Variants in IGSF11 observed in about 807,000 individuals in gnomAD.
The protein encoded by IGSF11 is CXADR like 1.
IGSF11 carries 22 observed loss-of-function variants against 41.0 expected under a neutral mutation model. The ratio of observed to expected loss-of-function variants is 0.54; its 90% CI spans 0.38 to 0.77. The LOEUF (loss-of-function observed/expected upper bound fraction) is 0.77, where lower values mean the gene tolerates loss of function less well. IGSF11 is among the 30% of genes least tolerant of loss of function. The pLI is 0.00. For synonymous variants in IGSF11, 219 were observed against 201.3 expected (o/e 1.09, Z -0.74); for missense variants, 444 against 530.8 (o/e 0.84, Z 1.61).
At chr3:119,097,957 ATTTTTTT>A (rs377746200) in intron 1 of IGSF11, among the ~76,000 whole-genome samples, 5 of 58,360 alleles carry the variant, frequency 8.6e-5, no homozygotes, top group Admixed American at 5.0e-4. Context: ...CATTCAGCTA[ATTTTTTT>A]TTTTTTTTTT....
At chr3:118,943,404 T>C (rs1943859660) in intron 1 of IGSF11, among the ~76,000 whole-genome samples, 1 of 152,240 alleles carries the variant, frequency 6.6e-6, no homozygotes, top group Admixed American at 6.5e-5. Flanking sequence ...AAAAGATCTC[T>C]GTGCTTTCAA....
At chr3:119,078,721 C>T (rs550109633) in intron 1 of IGSF11, among the ~76,000 whole-genome samples, 1 of 152,166 alleles carries the variant, frequency 6.6e-6, no homozygotes, top group East Asian at 1.9e-4. Flanking sequence ...AAAATGGGAC[C>T]TAACAAAACT....
chr3:119,055,956 G>C (rs1941815758), intron 1 of IGSF11, among the ~76,000 whole-genome samples: 1 of 152,066 alleles, frequency 6.6e-6, no homozygotes, highest in African/African-American at 2.4e-5. Context: ...AGAATCTCTG[G>C]GACACGTTCA....
At chr3:118,987,927 C>A (rs988088301) in intron 1 of IGSF11, among the ~76,000 whole-genome samples, 4 of 152,204 alleles carry the variant, frequency 2.6e-5, no homozygotes, top group Non-Finnish European at 4.4e-5. Context: ...ATTACTCCAA[C>A]TGGGCTTTAT....
chr3:119,066,868 T>C (rs1380432227), intron 1 of IGSF11, among the ~76,000 whole-genome samples: 2 of 152,194 alleles, frequency 1.3e-5, no homozygotes, highest in African/African-American at 2.4e-5. Flanking sequence ...ATATTATACT[T>C]TTTAGTTTTA....
intron 1 of IGSF11, chr3:119,112,881 T>C (rs2107522212): frequency 6.6e-6 from 1 of 152,526 alleles, no homozygotes; most frequent in Middle Eastern, 3.3e-3. Flanking sequence ...TCGCTCACAG[T>C]TCTGCAGGAT....
In IGSF11 at chr3:118,926,024, ATTAAAG is replaced by A. The variant is rs920657329; in HGVS notation, c.580+71_580+76del. On this transcript the variant is annotated intron_variant, in intron 4 of 6. Coordinates refer to ENST00000393775, the MANE Select transcript of IGSF11 (RefSeq NM_001015887.3). Reference sequence around the variant, plus strand: ...TATAGGGTGTTATTTTTCAAAACCTATTAAAGTTAATTACTTTTTGAATATTAGAAT... The same window carrying A: ...TATAGGGTGTTATTTTTCAAAACCTATTAATTACTTTTTGAATATTAGAAT... 2.1e-5 allele frequency: 24 copies of A among 1,133,322 alleles called. No homozygotes were observed. In the Admixed American group the frequency reaches 3.9e-4, roughly 18 times the overall value. 70.2% of individuals were successfully genotyped at this position (1,133,322 alleles called of 1,614,324 possible).
intron 1 of IGSF11, among the ~76,000 whole-genome samples, chr3:119,016,280 A>G (rs1938678962): frequency 1.3e-5 from 2 of 152,366 alleles, no homozygotes; most frequent in South Asian, 4.1e-4. Context: ...CAGGTGGCAT[A>G]TGGCATGTGT....
intron 1 of IGSF11, among the ~76,000 whole-genome samples, chr3:119,018,872 G>T (rs545146844): frequency 6.6e-6 from 1 of 152,200 alleles, no homozygotes; most frequent in Admixed American, 6.5e-5. Context: ...ATCAGAGCTG[G>T]CACTGAAGGC....
chr3:119,070,428 GA>G (rs2076380549), intron 1 of IGSF11, among the ~76,000 whole-genome samples: 2 of 152,144 alleles, frequency 1.3e-5, no homozygotes, highest in African/African-American at 4.8e-5. Context: ...GATGGGAGTT[GA>G]ACTGACTAAG....
chr3:119,006,509 A>T (rs9714220), intron 1 of IGSF11, among the ~76,000 whole-genome samples: 33,132 of 125,478 alleles, frequency 0.26, 4,686 homozygotes, highest in African/African-American at 0.38. Context: ...GCTGCTGAGG[A>T]ACTGCGCTCC....
chr3:119,043,757 C>G (rs1941211453), intron 1 of IGSF11, among the ~76,000 whole-genome samples: 1 of 152,144 alleles, frequency 6.6e-6, no homozygotes, highest in Non-Finnish European at 1.5e-5. Context: ...TTCCCCAATA[C>G]CAGACGGGAG....
chr3:119,047,977 C>T (rs556321509), intron 1 of IGSF11, among the ~76,000 whole-genome samples: 1 of 152,230 alleles, frequency 6.6e-6, no homozygotes, highest in East Asian at 1.9e-4. Flanking sequence ...ATACCAGAAT[C>T]TCTGGGATAC....
At chr3:119,038,403 A>T (rs1196206503), upstream of IGSF11, among the ~76,000 whole-genome samples, 1 of 152,216 alleles carries the variant, frequency 6.6e-6, no homozygotes, top group Non-Finnish European at 1.5e-5. Context: ...GCTAAACAGC[A>T]ATATCCATCC....
intron 1 of IGSF11, among the ~76,000 whole-genome samples, chr3:119,026,189 T>C (rs16829268): frequency 0.18 from 28,084 of 152,224 alleles, 3,295 homozygotes; most frequent in African/African-American, 0.33. Flanking sequence ...CTTTTAGATG[T>C]TTTTAAATTA....
At chr3:118,951,391 G>A (rs978774616) in intron 1 of IGSF11, among the ~76,000 whole-genome samples, 1 of 152,018 alleles carries the variant, frequency 6.6e-6, no homozygotes, top group African/African-American at 2.4e-5. Context: ...TCCCCAGTTG[G>A]CCACTGTATC....
At chr3:118,993,860 C>T (rs1936022457) in intron 1 of IGSF11, among the ~76,000 whole-genome samples, 1 of 152,054 alleles carries the variant, frequency 6.6e-6, no homozygotes, top group African/African-American at 2.4e-5. Flanking sequence ...AGAGAGGGTG[C>T]AAGGGTGTGG....
At chr3:119,056,499 A>G (rs955448132) in intron 1 of IGSF11, among the ~76,000 whole-genome samples, 1 of 152,158 alleles carries the variant, frequency 6.6e-6, no homozygotes. Flanking sequence ...CAACCAAAAA[A>G]AGTCCAGGAC....
chr3:119,065,064 G>A (rs1270394301), intron 1 of IGSF11, among the ~76,000 whole-genome samples: 1 of 152,012 alleles, frequency 6.6e-6, no homozygotes, highest in Admixed American at 6.5e-5. Context: ...TTGGTAGCTG[G>A]CCTCTTTGAC....
Sources: allele counts gnomAD v4.1 joint callset (sites outside exome capture counted in the v4.1 genomes callset), GRCh38; gene constraint gnomAD v4.1.1; transcripts MANE v1.5; gene names NCBI Gene and HGNC (gene_info 2026-07-23, HGNC 2026-07-21).